Variants in POLE observed in about 807,000 individuals in gnomAD.
POLE encodes DNA polymerase epsilon, catalytic subunit.
A neutral mutation model predicts 279.2 loss-of-function variants in POLE; 188 were observed. The ratio of observed to expected loss-of-function variants is 0.67; its 90% CI spans 0.60 to 0.76. POLE has a LOEUF of 0.76. Among genes scored for constraint, POLE ranks in the 30% least tolerant of loss-of-function variants. The probability of loss-of-function intolerance (pLI) is 0.00; values close to 1 mark genes in which losing one functional copy is unlikely to be tolerated. For missense variants in POLE, 2,703 were observed against 3,016.7 expected (o/e 0.90, Z 2.44); for synonymous variants, 1,214 against 1,172.5 (o/e 1.04, Z -0.72).
chr12:132,665,415 C>T lies in POLE; in HGVS notation c.2355G>A (p.Val785=), dbSNP rs2042773229. The change falls in exon 21 of 49, where the codon GTG becomes GTA. Residue 785 remains valine (V), a synonymous_variant. Transcript: ENST00000320574. ...WKKKLSAAVE[V]GDAAEVKRCK... is the part of the protein sequence containing the mutation. ...AGCGCTTCACCTCAGCCGCGTCGCC[C>T]ACCTCCACGGCCGCCGAGAGCTTCT... 1 of 1,612,998 alleles carries T rather than the reference C, an allele frequency of 6.2e-7. No individual in the cohort carries two copies. The highest frequency in any genetic ancestry group is 1.1e-5 in the South Asian group (1 of 91,076).
rs754528052 is a variant in POLE, at chr12:132,659,524, T to G, written c.3061-15A>C. 7 of 1,607,566 alleles carry G rather than the reference T, an allele frequency of 4.4e-6. No individual in the cohort carries two copies. In the Admixed American group the frequency reaches 1.2e-4, roughly 27 times the overall value. On this transcript the variant is annotated splice_polypyrimidine_tract_variant and intron_variant, in intron 25 of 48. Transcript: ENST00000320574. ...ATGTTGGCTGCCTAGAGAAAGACAA[T>G]GGGTAAAACACTGCAGAAATCAAGG...
At chr12:132,628,481 A>G (rs1311782392) in intron 45 of POLE, among the ~76,000 whole-genome samples, 2 of 152,142 alleles carry the variant, frequency 1.3e-5, no homozygotes, top group Admixed American at 1.3e-4. Context: ...TGTCTCTATT[A>G]AAAATACAAA....
rs971714729 is a variant in POLE, at chr12:132,675,962, G to A, written c.1020+132C>T. ...CCCTCCGCCCGTCTCTGGCAGAAAAGACGGTCATACCCTGAGAACAAAGCT... is the reference window on the plus strand; with the variant it reads ...CCCTCCGCCCGTCTCTGGCAGAAAAAACGGTCATACCCTGAGAACAAAGCT... On this transcript the variant is annotated intron_variant, in intron 10 of 48. Coordinates refer to ENST00000320574, the MANE Select transcript of POLE (RefSeq NM_006231.4). This position sits in a 1 kb window ranked among gnomAD's most constrained non-coding sequence, Gnocchi z 4.3. 3.2e-6 allele frequency: 3 copies of A among 938,746 alleles called. No individual in the cohort carries two copies. 58.2% of individuals were successfully genotyped at this position (938,746 alleles called of 1,614,324 possible). A position where few individuals can be genotyped will look rare whatever the true frequency, so the allele number is the denominator to read the frequency against.
chr12:132,659,276 T>C lies in POLE; in HGVS notation c.3275+19A>G. 6.2e-7 allele frequency: 1 copy of C among 1,610,034 alleles called. No homozygotes were observed. The highest frequency in any genetic ancestry group is 8.5e-7 in the Non-Finnish European group (1 of 1,177,740). ...GATGGGAGGAGCCCTCACCTCTCCG[T>C]GATGGGGGGAGCCCTCACCTCTCCG... On this transcript the variant is annotated intron_variant, in intron 26 of 48. Coordinates refer to ENST00000320574, the MANE Select transcript of POLE (RefSeq NM_006231.4).
rs2138523083 is a variant in POLE, at chr12:132,641,668, G to A, written c.5357C>T (p.Ala1786Val). The A allele has an allele frequency of 1.2e-5, 19 of 1,613,974 alleles. No homozygotes were observed. The highest frequency in any genetic ancestry group is 1.5e-5 in the Non-Finnish European group (18 of 1,179,944). ...ASAPASYDET[A>V]LCSNTFRILK... ...GCACCTGAAGGTGTTAGAGCACAGG[G>A]CTGTCTCATCGTAGCTGGCCGGGGC... The change falls in exon 39 of 49, where the codon GCC (alanine) becomes GTC (valine). Residue 1786 changes from alanine (A) to valine (V), a missense_variant. Physicochemically the swap from Ala to Val is moderately conservative, Grantham distance 64 (BLOSUM62 0). This residue lies in a region of POLE where 1,551 missense variants were observed against 1,686.1 expected (regional missense o/e 0.92). Transcript: ENST00000320574.
chr12:132,653,464 T>C (rs1337588573), intron 29 of POLE, among the ~76,000 whole-genome samples: 1 of 152,252 alleles, frequency 6.6e-6, no homozygotes, highest in Non-Finnish European at 1.5e-5. Flanking sequence ...TTTATTGCTA[T>C]TGTAAATGGT....
chr12:132,634,000 TC>T (rs2041985315), intron 43 of POLE, 185 bp downstream of exon 43: 4 of 576,346 alleles, frequency 6.9e-6, no homozygotes, highest in South Asian at 4.9e-5. Context: ...CTCCGGGCCC[TC>T]CAGTGGAACA....
At position 132,673,245 on chromosome 12, in the gene POLE, G is replaced by A. The variant is rs772578799; in HGVS notation, c.1392C>T (p.Val464=). 2.5e-6 allele frequency: 4 copies of A among 1,612,688 alleles called. No homozygotes were observed. Among genetic ancestry groups the A allele is most frequent in the South Asian group, 2.2e-5 (2 of 91,030 alleles). The change falls in exon 14 of 49, where the codon GTC becomes GTT. Residue 464 remains valine, a synonymous_variant. Coordinates refer to ENST00000320574, the MANE Select transcript of POLE (RefSeq NM_006231.4). ...ACTTCATGTACAGGTAGTAAGTGGC[G>A]ACAGCATCTGACACAGAATACGTGG... ...TLATYSVSDA[V]ATYYLYMKYV...
At chr12:132,653,331 T>G (rs2042463628) in intron 29 of POLE, among the ~76,000 whole-genome samples, 1 of 152,210 alleles carries the variant, frequency 6.6e-6, no homozygotes, top group African/African-American at 2.4e-5. Flanking sequence ...GCCATGATCT[T>G]GCCACCGCAC....
rs767666308 is a variant in POLE at position 132,680,592 on chromosome 12, C to T, written c.285+15G>A. 4.9e-5 allele frequency: 78 copies of T among 1,606,480 alleles called. No individual in the cohort carries two copies. The highest frequency in any genetic ancestry group is 6.2e-5 in the Non-Finnish European group (73 of 1,173,210). ...CATAAAAGTGGGTTTTAGCTTGTCG[C>T]AGTCAGGGGCTTACCTTAAATCTGC... On this transcript the variant is annotated intron_variant, in intron 3 of 48. Transcript: ENST00000320574.
chr12:132,667,111 G>A (rs1032965653), intron 20 of POLE, among the ~76,000 whole-genome samples: 1 of 152,158 alleles, frequency 6.6e-6, no homozygotes, highest in African/African-American at 2.4e-5. Context: ...GGGCCGGATG[G>A]TGAATACCAT....
Position 132,675,882 on chromosome 12 carries a change from C to T in POLE, c.1021-62G>A. The T allele has an allele frequency of 1.4e-6, 2 of 1,393,106 alleles. No homozygotes were observed. The highest frequency in any genetic ancestry group is 2.3e-5 in the South Asian group (2 of 86,446). The allele number at this position is 1,393,106 out of a possible 1,614,324, so 86.3% of individuals were successfully genotyped here. A position where few individuals can be genotyped will look rare whatever the true frequency, so the allele number is the denominator to read the frequency against. On this transcript the variant is annotated intron_variant, in intron 10 of 48. Coordinates refer to ENST00000320574, the MANE Select transcript of POLE (RefSeq NM_006231.4). This position sits in a 1 kb window ranked among gnomAD's most constrained non-coding sequence, Gnocchi z 4.3. Reference sequence around the variant, plus strand: ...TCTCTTCTTCAAGCTATTCCAAATTCCTCTCCCAAAGTTCAGAAGCAGCAG... The same window carrying T: ...TCTCTTCTTCAAGCTATTCCAAATTTCTCTCCCAAAGTTCAGAAGCAGCAG...
chr12:132,671,561 G>A (rs563775556), intron 16 of POLE, among the ~76,000 whole-genome samples: 2 of 147,288 alleles, frequency 1.4e-5, no homozygotes, highest in African/African-American at 5.4e-5. Flanking sequence ...CCCAGCTACT[G>A]GGGAGCCTGA....
chr12:132,668,957 C>A lies in POLE; in HGVS notation c.1795-18G>T, dbSNP rs777574402. On this transcript the variant is annotated intron_variant, in intron 16 of 48. Transcript: ENST00000320574. This position sits in a 1 kb window ranked among gnomAD's most constrained non-coding sequence, Gnocchi z 4.0. ...TCACACACCTGCAGAGAAAGCGAAA[C>A]TCAGTAGAGGCTGGTGACCAAGCTT... 1 of 1,612,130 alleles carries A rather than the reference C, an allele frequency of 6.2e-7. No homozygotes were observed. Among genetic ancestry groups the A allele is most frequent in the South Asian group, 1.1e-5 (1 of 90,932 alleles).
intron 15 of POLE, 119 bp downstream of exon 15, chr12:132,672,508 C>A (rs2042952638): frequency 8.4e-7 from 1 of 1,191,882 alleles, no homozygotes; most frequent in Non-Finnish European, 1.2e-6. Flanking sequence ...AGAAGCCACA[C>A]CCGGTGAGGG....
chr12:132,648,834 A>T (rs1191258752), intron 32 of POLE, 95 bp downstream of exon 32: 6 of 1,286,994 alleles, frequency 4.7e-6, no homozygotes, highest in African/African-American at 1.5e-5. Context: ...CCCATAAGGT[A>T]CTGAGGAGAT....
At position 132,678,744 on chromosome 12, in the gene POLE, G is replaced by A. The variant is rs183033384; in HGVS notation, c.578+753C>T. 4.6e-5 allele frequency among the ~76,000 whole-genome samples: 7 copies of A among 152,320 alleles called. No homozygotes were observed. The East Asian group carries it at 1.3e-3, about 29-fold the overall frequency. ...CAGCCTGTGCATGGGTCTCTGCCAT[G>A]TCTAAAGAAGTGGCCCACCATTGCG... On this transcript the variant is annotated intron_variant, in intron 6 of 48. Transcript: ENST00000320574.
chr12:132,659,020 T>C (rs556321711), intron 26 of POLE, among the ~76,000 whole-genome samples: 1 of 152,090 alleles, frequency 6.6e-6, no homozygotes, highest in South Asian at 2.1e-4. Context: ...TGTTGTAACC[T>C]GTAGCTGCAA....
rs949816319 is a variant in POLE at position 132,675,177 on chromosome 12, G to A, written c.1226+221C>T. 1.3e-5 allele frequency among the ~76,000 whole-genome samples: 2 copies of A among 152,334 alleles called. No homozygotes were observed. Among genetic ancestry groups the A allele is most frequent in the South Asian group, 4.1e-4 (2 of 4,832 alleles). ...CGGCTTCCCCACCCCAGAGGCTGAT[G>A]CTCAATGTGCCTGGTCACTGATGAA... On this transcript the variant is annotated intron_variant, in intron 12 of 48. Coordinates refer to ENST00000320574, the MANE Select transcript of POLE (RefSeq NM_006231.4). The surrounding 1 kb of genome is among the most constrained non-coding windows in gnomAD (Gnocchi z 4.3).
Sources: gnomAD v4.1 joint callset for allele counts (sites outside exome capture counted in the v4.1 genomes callset) on GRCh38, gnomAD v4.1.1 for gene constraint, gnomAD v4.1.1 regional missense constraint, Gnocchi (gnomAD v3.1) non-coding constraint, MANE v1.5 for transcripts, NCBI Gene and HGNC (gene_info 2026-07-23, HGNC 2026-07-21) for gene names.